LDB2: variants seen among roughly 807,000 people sequenced by gnomAD.
The protein encoded by LDB2 is LIM domain binding 2, also known as LIM domain-binding protein 2.
LDB2 carries 12 observed loss-of-function variants against 44.3 expected under a neutral mutation model. The ratio of observed to expected loss-of-function variants is 0.27; its 90% CI spans 0.17 to 0.44. The LOEUF (loss-of-function observed/expected upper bound fraction) is 0.44, where lower values mean the gene tolerates loss of function less well. Ranked by LOEUF, LDB2 falls within the 20% of genes least tolerant of loss-of-function variation. LDB2 has a pLI of 1.00. For missense variants in LDB2, 344 were observed against 473.5 expected (o/e 0.73, Z 2.54); for synonymous variants, 164 against 174.8 (o/e 0.94, Z 0.49).
intron 2 of LDB2, among the ~76,000 whole-genome samples, chr4:16,700,583 T>C (rs975818652): frequency 3.9e-5 from 6 of 152,170 alleles, no homozygotes; most frequent in African/African-American, 1.4e-4. Context: ...TTCAATCACA[T>C]TACACCTGCA....
At chr4:16,647,135 T>A (rs904428408) in intron 2 of LDB2, among the ~76,000 whole-genome samples, 2 of 152,194 alleles carry the variant, frequency 1.3e-5, no homozygotes, top group African/African-American at 4.8e-5. Context: ...GAAAAAGGAA[T>A]GAAGTACTGA....
At chr4:16,871,053 T>C (rs1264425676) in intron 1 of LDB2, among the ~76,000 whole-genome samples, 1 of 152,226 alleles carries the variant, frequency 6.6e-6, no homozygotes, top group Non-Finnish European at 1.5e-5. Flanking sequence ...GCTCTCCTAT[T>C]GCTAAATTTT....
chr4:16,579,970 A>G (rs1269866385), intron 5 of LDB2, among the ~76,000 whole-genome samples: 1 of 152,152 alleles, frequency 6.6e-6, no homozygotes, highest in Non-Finnish European at 1.5e-5. Flanking sequence ...CACTGGGGAG[A>G]GGCTCCTACC....
chr4:16,807,492 A>C (rs1415164313), intron 1 of LDB2, among the ~76,000 whole-genome samples: 1 of 152,222 alleles, frequency 6.6e-6, no homozygotes, highest in Non-Finnish European at 1.5e-5. Context: ...CCCTTGTTTT[A>C]CATGTCCCCT....
chr4:16,725,586 T>C (rs1396913966), intron 2 of LDB2, among the ~76,000 whole-genome samples: 2 of 152,150 alleles, frequency 1.3e-5, no homozygotes, highest in Non-Finnish European at 2.9e-5. Flanking sequence ...TGTTCCCACT[T>C]TCTACTTAGA....
intron 2 of LDB2, among the ~76,000 whole-genome samples, chr4:16,616,694 CT>C (rs33968003): frequency 0.99 from 150,866 of 152,068 alleles, 74,848 homozygotes; most frequent in Middle Eastern, 1. Flanking sequence ...CTGGAGACAT[CT>C]TTCTGTATCA....
At chr4:16,890,049 G>A (rs1038476321) in intron 1 of LDB2, among the ~76,000 whole-genome samples, 1 of 152,172 alleles carries the variant, frequency 6.6e-6, no homozygotes, top group Non-Finnish European at 1.5e-5. Context: ...ACTTAGCTGA[G>A]TTATTACAAA....
chr4:16,617,017 C>A (rs1435516821), intron 2 of LDB2, among the ~76,000 whole-genome samples: 1 of 152,142 alleles, frequency 6.6e-6, no homozygotes, highest in Non-Finnish European at 1.5e-5. Flanking sequence ...TCCTCTCCCC[C>A]AAGGATTTTG....
intron 4 of LDB2, among the ~76,000 whole-genome samples, chr4:16,588,361 C>G (rs1205336946): frequency 6.6e-6 from 1 of 152,064 alleles, no homozygotes; most frequent in Admixed American, 6.5e-5. Flanking sequence ...ATTTCATTCC[C>G]CAGTTATACA....
In LDB2 at chr4:16,678,050, A is replaced by G. The variant is rs182511963; in HGVS notation, c.235+81108T>C. On this transcript the variant is annotated intron_variant, in intron 2 of 7. Transcript: ENST00000304523. ...GACTTCCATTTGAAAGGAAGTTCCCATTGTCTTAGGACCAGCAGTAGATCA... is the reference window on the plus strand; with the variant it reads ...GACTTCCATTTGAAAGGAAGTTCCCGTTGTCTTAGGACCAGCAGTAGATCA... Among the ~76,000 whole-genome samples the G allele has an allele frequency of 8.5e-4, 130 of 152,336 alleles. 1 individual carries two copies. Among genetic ancestry groups the G allele is most frequent in the Middle Eastern group, 6.8e-3 (2 of 294 alleles).
intron 5 of LDB2, among the ~76,000 whole-genome samples, chr4:16,557,119 G>A (rs186564936): frequency 2.1e-3 from 319 of 152,256 alleles, no homozygotes; most frequent in Non-Finnish European, 2.4e-3. Context: ...TAGGAACAGC[G>A]CCGGTCTATA....
intron 1 of LDB2, among the ~76,000 whole-genome samples, chr4:16,885,671 A>T (rs1471664): frequency 0.2 from 30,902 of 152,124 alleles, 3,715 homozygotes; most frequent in Non-Finnish European, 0.26. Context: ...TCCCAGTATG[A>T]ATTGTGCTAA....
intron 1 of LDB2, among the ~76,000 whole-genome samples, chr4:16,775,899 C>T (rs1771780583): frequency 6.6e-6 from 1 of 152,184 alleles, no homozygotes; most frequent in South Asian, 2.1e-4. Context: ...TGCACACCAA[C>T]CTCAAATCCA....
intron 2 of LDB2, among the ~76,000 whole-genome samples, chr4:16,640,668 T>C (rs1268408498): frequency 1.3e-5 from 2 of 152,212 alleles, no homozygotes; most frequent in Non-Finnish European, 2.9e-5. Flanking sequence ...TTATCTTCAA[T>C]CTCTGTATAA....
At chr4:16,655,855 T>C (rs1315142482) in intron 2 of LDB2, among the ~76,000 whole-genome samples, 1 of 151,276 alleles carries the variant, frequency 6.6e-6, no homozygotes, top group East Asian at 1.9e-4. Context: ...AATAGATTAT[T>C]TCCTTCTCAT....
chr4:16,880,309 A>T (rs1450931817), intron 1 of LDB2, among the ~76,000 whole-genome samples: 1 of 152,128 alleles, frequency 6.6e-6, no homozygotes. Context: ...CAGTTTCCAC[A>T]CTGCAAAAAG....
At position 16,836,836 on chromosome 4, in the gene LDB2, T is replaced by C. The variant is rs1454882210; in HGVS notation, c.132+61518A>G. 2.0e-5 allele frequency among the ~76,000 whole-genome samples: 3 copies of C among 152,208 alleles called. No individual in the cohort carries two copies. In the East Asian group the frequency reaches 5.8e-4, roughly 29 times the overall value. On this transcript the variant is annotated intron_variant, in intron 1 of 7. Transcript: ENST00000304523. ...AAATAATCACACACTAAAAGTGGCA[T>C]TGCCAGATTTTGAACTTTAGCACTT...
chr4:16,890,056 C>A (rs1324194973), intron 1 of LDB2, among the ~76,000 whole-genome samples: 1 of 152,168 alleles, frequency 6.6e-6, no homozygotes, highest in Non-Finnish European at 1.5e-5. Flanking sequence ...TGAGTTATTA[C>A]AAAGAAAGCC....
intron 1 of LDB2, among the ~76,000 whole-genome samples, chr4:16,769,324 T>G (rs1770099260): frequency 6.6e-6 from 1 of 151,986 alleles, no homozygotes; most frequent in African/African-American, 2.4e-5. Flanking sequence ...GAGATGGAGT[T>G]TCCCTCTTGT....
Sources: gnomAD v4.1 joint callset for allele counts (sites outside exome capture counted in the v4.1 genomes callset) on GRCh38, gnomAD v4.1.1 for gene constraint, MANE v1.5 for transcripts, NCBI Gene and HGNC (gene_info 2026-07-23, HGNC 2026-07-21) for gene names.